Variants in DNAH17 observed in about 807,000 individuals in gnomAD.
DNAH17 encodes axonemal beta dynein heavy chain 17.
In DNAH17, 376 loss-of-function variants were observed where a neutral mutation model predicts 485.6. The observed-to-expected ratio is 0.77, with a 90% CI of 0.71 to 0.84. The LOEUF is 0.84. DNAH17 is among the 40% of genes least tolerant of loss of function. DNAH17 has a pLI of 0.00. For synonymous variants in DNAH17, 3,031 were observed against 2,405.9 expected (o/e 1.26, Z -7.60); for missense variants, 6,370 against 5,839.3 (o/e 1.09, Z -2.96).
At position 78,451,665 on chromosome 17, in the gene DNAH17, T is replaced by G. The variant is rs930431912; in HGVS notation, c.10538A>C (p.Lys3513Thr). 4 of 1,569,294 alleles carry G rather than the reference T, an allele frequency of 2.5e-6. No homozygotes were observed. The highest frequency in any genetic ancestry group is 3.5e-6 in the Non-Finnish European group (4 of 1,157,176). ...RNTIKKGKYI[K>T]IGDKEVEYHP... ...GTACTCCACCTCCTTGTCACCGATC[T>G]TAATGTACCTGGCGGTTGGTGGAGG... Residue 3513 changes from lysine to threonine, a missense_variant, in exon 66 of 81, where the codon AAG (lysine) becomes ACG (threonine). Lys to Thr is a moderately conservative substitution (Grantham distance 78, BLOSUM62 -1). Coordinates refer to ENST00000389840, the MANE Select transcript of DNAH17 (RefSeq NM_173628.4).
chr17:78,503,183 T>C, intron 31 of DNAH17, 172 bp from the exon 32 acceptor site: 1 of 653,184 alleles, frequency 1.5e-6, no homozygotes, highest in Non-Finnish European at 2.2e-6. Context: ...TTTTTTTTTT[T>C]TTTTTTTTTT....
intron 14 of DNAH17, among the ~76,000 whole-genome samples, chr17:78,556,795 C>T (rs2092032682): frequency 6.6e-6 from 1 of 152,174 alleles, no homozygotes; most frequent in Non-Finnish European, 1.5e-5. Flanking sequence ...GTGCTATATC[C>T]ATGCGACACA....
intron 22 of DNAH17, among the ~76,000 whole-genome samples, chr17:78,529,234 C>T (rs1034604118): frequency 2.6e-5 from 4 of 152,086 alleles, no homozygotes; most frequent in Non-Finnish European, 5.9e-5. Context: ...CATTTTTAAT[C>T]CAACAAAACA....
At chr17:78,494,268 T>C (rs1439596024) in intron 40 of DNAH17, 95 bp from the exon 41 acceptor site, 11 of 1,503,542 alleles carry the variant, frequency 7.3e-6, no homozygotes, top group Admixed American at 4.3e-5. Context: ...GTGGGGGAGA[T>C]GATAAAGGCG....
chr17:78,468,086 TG>T, intron 55 of DNAH17, among the ~76,000 whole-genome samples: 1 of 137,144 alleles, frequency 7.3e-6, no homozygotes, highest in South Asian at 2.4e-4. Flanking sequence ...TAGCTGTGTG[TG>T]GGGAGGGGGT....
chr17:78,534,131 C>G (rs2091312015), intron 19 of DNAH17, among the ~76,000 whole-genome samples: 1 of 152,258 alleles, frequency 6.6e-6, no homozygotes, highest in Non-Finnish European at 1.5e-5. Flanking sequence ...TCAACCACTC[C>G]CCTTTACCCA....
At chr17:78,434,263 A>G in intron 74 of DNAH17, 43 bp from the exon 75 acceptor site, 1 of 1,556,332 alleles carries the variant, frequency 6.4e-7, no homozygotes, top group Non-Finnish European at 8.7e-7. Context: ...GAGAGGGAGA[A>G]GTTTACACAG....
At position 78,468,790 on chromosome 17, in the gene DNAH17, G is replaced by A. The variant is rs1447700283; in HGVS notation, c.8605C>T (p.Leu2869=). Reference sequence around the variant, plus strand: ...GCCAGCAGGTCATTGATCAGCACCAGAAACTGCTCCTCGGCCACCTGGGAG... The same window carrying A: ...GCCAGCAGGTCATTGATCAGCACCAAAAACTGCTCCTCGGCCACCTGGGAG... ...TDSQVAEEQF[L]VLINDLLASG... Residue 2869 remains leucine, a synonymous_variant, in exon 55 of 81, where the codon CTG becomes TTG. Transcript: ENST00000389840. 1.2e-6 allele frequency: 2 copies of A among 1,614,046 alleles called. No individual in the cohort carries two copies. The highest frequency in any genetic ancestry group is 1.3e-5 in the African/African-American group (1 of 75,050).
At chr17:78,549,366 G>A (rs2091849446) in intron 16 of DNAH17, among the ~76,000 whole-genome samples, 1 of 152,290 alleles carries the variant, frequency 6.6e-6, no homozygotes, top group South Asian at 2.1e-4. Flanking sequence ...TCAGTCTGCA[G>A]TATTTTCTTG....
At chr17:78,533,913 T>TG (rs1480067943) in intron 19 of DNAH17, among the ~76,000 whole-genome samples, 1 of 152,150 alleles carries the variant, frequency 6.6e-6, no homozygotes, top group Admixed American at 6.5e-5. Flanking sequence ...CTCAAACTCC[T>TG]GACCTCAGGT....
At chr17:78,475,058 T>TG (rs1208250749) in intron 54 of DNAH17, among the ~76,000 whole-genome samples, 2 of 148,832 alleles carry the variant, frequency 1.3e-5, no homozygotes, top group Non-Finnish European at 3.0e-5. Context: ...TCACACGGGC[T>TG]GGAAGGTTTC....
Position 78,468,599 on chromosome 17 carries a change from C to G in DNAH17, c.8778+18G>C, listed in dbSNP as rs137998969. 8.7e-6 allele frequency: 14 copies of G among 1,605,910 alleles called. No homozygotes were observed. Among genetic ancestry groups the G allele is most frequent in the African/African-American group, 4.0e-5 (3 of 74,778 alleles). ...CCAAGCTGGGCTCTTGAGGCCCTGCCGAAGACGGGAGCCCCACCTTGAGCT... is the reference window on the plus strand; with the variant it reads ...CCAAGCTGGGCTCTTGAGGCCCTGCGGAAGACGGGAGCCCCACCTTGAGCT... On this transcript the variant is annotated intron_variant, in intron 55 of 80. Transcript: ENST00000389840.
chr17:78,543,193 C>T (rs1428125483), intron 17 of DNAH17, among the ~76,000 whole-genome samples: 1 of 152,232 alleles, frequency 6.6e-6, no homozygotes, highest in Admixed American at 6.5e-5. Context: ...TGGTTCACTG[C>T]CACCTCCGCC....
Position 78,494,835 on chromosome 17 carries a change from C to T in DNAH17, c.6043-15G>A. The T allele has an allele frequency of 6.3e-7, 1 of 1,587,810 alleles. No homozygotes were observed. Among genetic ancestry groups the T allele is most frequent in the Non-Finnish European group, 8.6e-7 (1 of 1,164,396 alleles). On this transcript the variant is annotated splice_polypyrimidine_tract_variant and intron_variant, in intron 39 of 80. Transcript: ENST00000389840. ...TCGTAATGATCCTGCGGGCAGTGGG[C>T]ACAGGTGGGCAGACGTGAGCTCACC...
chr17:78,425,621 G>A (rs770880382), intron 79 of DNAH17, 50 bp from the exon 80 acceptor site: 1 of 1,506,702 alleles, frequency 6.6e-7, no homozygotes, highest in Non-Finnish European at 8.9e-7. Flanking sequence ...AATGACATGG[G>A]AACGACCGGG....
At position 78,432,916 on chromosome 17, in the gene DNAH17, ACCCCGG is replaced by A. The variant is rs2086732021; in HGVS notation, c.12225+1107_12225+1112del. Among the ~76,000 whole-genome samples, 9 of 45,008 alleles carry A rather than the reference ACCCCGG, an allele frequency of 2.0e-4. 1 individual carries two copies. In the East Asian group the frequency reaches 3.3e-3, roughly 17 times the overall value. 29.5% of individuals were successfully genotyped at this position (45,008 alleles called of 152,430 possible). A position where few individuals can be genotyped will look rare whatever the true frequency, so the allele number is the denominator to read the frequency against. On this transcript the variant is annotated intron_variant, in intron 75 of 80. Coordinates refer to ENST00000389840, the MANE Select transcript of DNAH17 (RefSeq NM_173628.4). ...GCTTCAAACGTGCCCCCCCCCCCCG[ACCCCGG>A]TGCCAGCACCGTTTCTCACCATGTC...
intron 11 of DNAH17, among the ~76,000 whole-genome samples, 183 bp downstream of exon 11, chr17:78,566,431 C>T (rs1043497740): frequency 6.6e-6 from 1 of 152,174 alleles, no homozygotes; most frequent in African/African-American, 2.4e-5. Context: ...GCAGTAAGAA[C>T]CATCAGGAGC....
At chr17:78,476,332 C>G (rs1262524218) in intron 52 of DNAH17, among the ~76,000 whole-genome samples, 1 of 92,512 alleles carries the variant, frequency 1.1e-5, no homozygotes, top group African/African-American at 5.4e-5. Context: ...CTCGGACCCA[C>G]AGCCACGTGC....
chr17:78,537,328 G>T lies in DNAH17; in HGVS notation c.2830C>A (p.Arg944=). 1 of 1,589,100 alleles carries T rather than the reference G, an allele frequency of 6.3e-7. No individual in the cohort carries two copies. Among genetic ancestry groups the T allele is most frequent in the Non-Finnish European group, 8.6e-7 (1 of 1,167,976 alleles). ...TAGTTCATCCTGTCCTTGGCCAGCC[G>T]AGGGATGAGCCTGGCTACGTTGTAG... The part of the protein sequence containing the change: ...DIYNVARLIP[R]LAKDRMNYKM... Residue 944 remains arginine (R), a synonymous_variant, in exon 19 of 81, where the codon CGG becomes AGG. Transcript: ENST00000389840.
Sources: allele counts gnomAD v4.1 joint callset (sites outside exome capture counted in the v4.1 genomes callset), GRCh38; gene constraint gnomAD v4.1.1; transcripts MANE v1.5; gene names NCBI Gene and HGNC (gene_info 2026-07-23, HGNC 2026-07-21).